Variants in EXT2 observed in about 807,000 individuals in gnomAD.
EXT2 encodes the protein exostosin-2.
In EXT2, 53 loss-of-function variants were observed where a neutral mutation model predicts 81.6. The ratio of observed to expected loss-of-function variants is 0.65; its 90% CI spans 0.52 to 0.82. The LOEUF is 0.82. Among genes scored for constraint, EXT2 ranks in the 40% least tolerant of loss-of-function variants. The probability of loss-of-function intolerance (pLI) is 0.00; values close to 1 mark genes in which losing one functional copy is unlikely to be tolerated. For synonymous variants in EXT2, 320 were observed against 340.0 expected (o/e 0.94, Z 0.65); for missense variants, 774 against 910.2 (o/e 0.85, Z 1.93).
At chr11:44,115,684 C>G (rs1292094803) in intron 4 of EXT2, among the ~76,000 whole-genome samples, 1 of 152,196 alleles carries the variant, frequency 6.6e-6, no homozygotes, top group Non-Finnish European at 1.5e-5. Context: ...TAGAACCATT[C>G]TTTAAATATT....
At chr11:44,237,087 A>G (rs1012283083) in intron 13 of EXT2, among the ~76,000 whole-genome samples, 4 of 152,216 alleles carry the variant, frequency 2.6e-5, no homozygotes, top group Admixed American at 1.3e-4. Context: ...ACAATTATTT[A>G]TACAAGACAG....
At chr11:44,219,156 T>C (rs900082160) in intron 10 of EXT2, among the ~76,000 whole-genome samples, 1 of 152,000 alleles carries the variant, frequency 6.6e-6, no homozygotes, top group African/African-American at 2.4e-5. Context: ...ACTACAACAA[T>C]TGAAAAATAG....
chr11:44,219,438 A>G (rs1955758606), intron 10 of EXT2, among the ~76,000 whole-genome samples: 1 of 152,078 alleles, frequency 6.6e-6, no homozygotes, highest in African/African-American at 2.4e-5. Context: ...GAATCACTTG[A>G]GTCTAGGATC....
intron 7 of EXT2, chr11:44,144,387 C>A: frequency 1.3e-6 from 2 of 1,483,044 alleles, no homozygotes; most frequent in Non-Finnish European, 1.9e-6. Context: ...AATCTCTAGT[C>A]TCTTTGCTGA....
At chr11:44,174,406 C>T (rs911146436) in intron 8 of EXT2, among the ~76,000 whole-genome samples, 3 of 151,280 alleles carry the variant, frequency 2.0e-5, no homozygotes, top group African/African-American at 7.3e-5. Flanking sequence ...GTAGAATTTA[C>T]ATTTTATATA....
chr11:44,194,887 A>G (rs1955437178), intron 8 of EXT2, among the ~76,000 whole-genome samples: 1 of 152,102 alleles, frequency 6.6e-6, no homozygotes, highest in African/African-American at 2.4e-5. Flanking sequence ...TGGGTTGGGG[A>G]TAGTGATGGC....
Position 44,234,105 on chromosome 11 carries a change from C to T in EXT2, c.1807-10C>T. The T allele has an allele frequency of 6.2e-7, 1 of 1,614,054 alleles. No individual in the cohort carries two copies. The highest frequency in any genetic ancestry group is 1.1e-5 in the South Asian group (1 of 91,084). ...TTTTGAATATTTCTTCTTTCTGTCTCACTTGACAGTATTTTAATTACCTGT... is the reference window on the plus strand; with the variant it reads ...TTTTGAATATTTCTTCTTTCTGTCTTACTTGACAGTATTTTAATTACCTGT... On this transcript the variant is annotated splice_polypyrimidine_tract_variant and intron_variant, in intron 11 of 13. Transcript: ENST00000533608.
intron 10 of EXT2, among the ~76,000 whole-genome samples, chr11:44,212,249 C>A (rs1480869615): frequency 9.9e-5 from 15 of 151,432 alleles, no homozygotes; most frequent in African/African-American, 3.6e-4. Context: ...CGCACCATTG[C>A]ACTACAGCCC....
At chr11:44,239,591 C>T (rs1956011066) in intron 13 of EXT2, among the ~76,000 whole-genome samples, 1 of 151,192 alleles carries the variant, frequency 6.6e-6, no homozygotes. Flanking sequence ...CAGGGTTTCA[C>T]CATGTTGGCC....
chr11:44,155,769 A>G (rs1326860295), intron 7 of EXT2, among the ~76,000 whole-genome samples: 3 of 152,162 alleles, frequency 2.0e-5, no homozygotes, highest in African/African-American at 7.2e-5. Flanking sequence ...TGAATAGTTT[A>G]CACACCATAA....
At chr11:44,108,401 G>A (rs1954094305) in intron 2 of EXT2, among the ~76,000 whole-genome samples, 153 bp downstream of exon 2, 1 of 152,188 alleles carries the variant, frequency 6.6e-6, no homozygotes, top group Non-Finnish European at 1.5e-5. Flanking sequence ...GGACTGACTT[G>A]CAGCATGAGG....
At chr11:44,182,126 A>G (rs1367971697) in intron 8 of EXT2, among the ~76,000 whole-genome samples, 2 of 152,150 alleles carry the variant, frequency 1.3e-5, no homozygotes, top group African/African-American at 4.8e-5. Context: ...CCTTCATCCT[A>G]CAGATTATTA....
rs1336679333 is a variant in EXT2 at position 44,220,469 on chromosome 11, A to G, written c.1663-11884A>G. Among the ~76,000 whole-genome samples the G allele has an allele frequency of 6.6e-6, 1 of 152,178 alleles. No homozygotes were observed. Among genetic ancestry groups the G allele is most frequent in the African/African-American group, 2.4e-5 (1 of 41,438 alleles). On this transcript the variant is annotated intron_variant, in intron 10 of 13. Transcript: ENST00000533608. This position sits in a 1 kb window ranked among gnomAD's most constrained non-coding sequence, Gnocchi z 4.4. ...TGGAAGTACCTGAAGGGTTGCCATT[A>G]TAGAGACTATTGTCTTTAGAAGAGA... is the stretch of plus-strand genomic sequence containing the variant.
chr11:44,224,448 T>C (rs1187565520), intron 10 of EXT2, among the ~76,000 whole-genome samples: 1 of 152,156 alleles, frequency 6.6e-6, no homozygotes, highest in Non-Finnish European at 1.5e-5. Flanking sequence ...TCATCTGTTA[T>C]GATACTTTGG....
intron 9 of EXT2, among the ~76,000 whole-genome samples, chr11:44,203,453 C>T (rs1955544446): frequency 6.6e-6 from 1 of 152,156 alleles, no homozygotes; most frequent in South Asian, 2.1e-4. Context: ...GTCATGCCCT[C>T]GTATACACAC....
chr11:44,104,301 T>C (rs2134956763), intron 1 of EXT2, among the ~76,000 whole-genome samples: 1 of 152,318 alleles, frequency 6.6e-6, no homozygotes, highest in South Asian at 2.1e-4. Context: ...TCACAGTACA[T>C]AGCTTAAATG....
rs141032297 is a variant in EXT2, at chr11:44,147,557, G to A, written c.1173+17419G>A. Reference sequence around the variant, plus strand: ...GCTAGGCCTGGGCAGGAAGATACCTGGTTTTTTGTTGTTGTTGTTTTGAGA... The same window carrying A: ...GCTAGGCCTGGGCAGGAAGATACCTAGTTTTTTGTTGTTGTTGTTTTGAGA... On this transcript the variant is annotated intron_variant, in intron 7 of 13. Transcript: ENST00000533608. 6.0e-5 allele frequency among the ~76,000 whole-genome samples: 9 copies of A among 150,204 alleles called. No homozygotes were observed. In the East Asian group the frequency reaches 1.8e-3, roughly 30 times the overall value.
chr11:44,202,758 G>A (rs926829604), intron 9 of EXT2, among the ~76,000 whole-genome samples: 187 of 152,318 alleles, frequency 1.2e-3, no homozygotes, highest in African/African-American at 4.4e-3. Context: ...AGTCAATCAT[G>A]TCAAGATGGT....
chr11:44,229,394 C>T (rs1030446892), intron 10 of EXT2, among the ~76,000 whole-genome samples: 4 of 152,204 alleles, frequency 2.6e-5, no homozygotes, highest in South Asian at 2.1e-4. Context: ...GCTATTATGA[C>T]GATGCCTGCG....
Sources: allele counts gnomAD v4.1 joint callset (sites outside exome capture counted in the v4.1 genomes callset), GRCh38; gene constraint gnomAD v4.1.1; non-coding constraint Gnocchi (gnomAD v3.1); transcripts MANE v1.5; gene names NCBI Gene and HGNC (gene_info 2026-07-23, HGNC 2026-07-21).